The following RAB27B variants were observed in gnomAD, a reference collection of about 807,000 sequenced individuals.
The protein encoded by RAB27B is ras-related protein Rab-27B.
A neutral mutation model predicts 24.6 loss-of-function variants in RAB27B; 15 were observed. The ratio of observed to expected loss-of-function variants is 0.61; its 90% CI spans 0.41 to 0.94. The LOEUF (loss-of-function observed/expected upper bound fraction) is 0.94. Ranked by LOEUF, RAB27B falls within the 40% of genes least tolerant of loss-of-function variation. The pLI is 0.00. For synonymous variants in RAB27B, 105 were observed against 92.5 expected (o/e 1.14, Z -0.78); for missense variants, 261 against 266.8 (o/e 0.98, Z 0.15).
intron 2 of RAB27B, among the ~76,000 whole-genome samples, chr18:54,773,964 C>T (rs1033118871): frequency 1.3e-5 from 2 of 152,222 alleles, no homozygotes; most frequent in African/African-American, 2.4e-5. Context: ...AGGCATGAGA[C>T]ATCGCGCCCG....
chr18:54,827,450 C>A (rs747221461), upstream of RAB27B, among the ~76,000 whole-genome samples: 5 of 152,158 alleles, frequency 3.3e-5, no homozygotes, highest in Non-Finnish European at 7.4e-5. Flanking sequence ...AGACAGATTT[C>A]TATGAGACCA....
chr18:54,886,713 A>G (rs1031247156), intron 4 of RAB27B, among the ~76,000 whole-genome samples: 1 of 152,138 alleles, frequency 6.6e-6, no homozygotes, highest in African/African-American at 2.4e-5. Flanking sequence ...TTCAAGGCAG[A>G]TGAGAGTCTC....
At chr18:54,834,213 G>A (rs1910804412) in intron 1 of RAB27B, among the ~76,000 whole-genome samples, 1 of 152,132 alleles carries the variant, frequency 6.6e-6, no homozygotes, top group Non-Finnish European at 1.5e-5. Context: ...ATCCAGAAAA[G>A]CAGGAAAAAC....
At chr18:54,795,946 T>C (rs1909402484) in intron 2 of RAB27B, among the ~76,000 whole-genome samples, 1 of 152,198 alleles carries the variant, frequency 6.6e-6, no homozygotes, top group Non-Finnish European at 1.5e-5. Flanking sequence ...TACCATTTAA[T>C]AAGTATTGAA....
rs1913389652 is a variant in RAB27B at position 54,892,077 on chromosome 18, TTA to T, written c.*2665_*2666del. ...GGTGCCATAAAGTATACAGACTACT[TTA>T]AAGATTTCCAAATCCCCTAATTTAC... On this transcript the variant is annotated 3_prime_UTR_variant, in exon 6 of 6. Coordinates refer to ENST00000262094, the MANE Select transcript of RAB27B (RefSeq NM_004163.4). 1 of 152,038 alleles carries T rather than the reference TTA, an allele frequency of 6.6e-6. No individual in the cohort carries two copies. The highest frequency in any genetic ancestry group is 1.5e-5 in the Non-Finnish European group (1 of 67,978). 9.4% of individuals were successfully genotyped at this position (152,038 alleles called of 1,614,324 possible). A position where few individuals can be genotyped will look rare whatever the true frequency, so the allele number is the denominator to read the frequency against.
At chr18:54,762,186 A>AGTTTT (rs1164533978) in intron 2 of RAB27B, among the ~76,000 whole-genome samples, 4 of 152,018 alleles carry the variant, frequency 2.6e-5, no homozygotes, top group Middle Eastern at 3.2e-3. Context: ...ATAATTCTGT[A>AGTTTT]GTTTTGTTTT....
At chr18:54,737,280 C>G (rs901961766) in intron 2 of RAB27B, among the ~76,000 whole-genome samples, 3 of 152,132 alleles carry the variant, frequency 2.0e-5, no homozygotes, top group Non-Finnish European at 2.9e-5. Context: ...GGCTTATTGA[C>G]TTTAGGCATC....
intron 2 of RAB27B, among the ~76,000 whole-genome samples, chr18:54,725,348 T>A (rs1475718918): frequency 6.6e-6 from 1 of 151,382 alleles, no homozygotes; most frequent in African/African-American, 2.4e-5. Context: ...CATTTCAGGG[T>A]GAGTTTACTA....
chr18:54,881,491 A>G (rs920218434), intron 3 of RAB27B, among the ~76,000 whole-genome samples: 1 of 152,118 alleles, frequency 6.6e-6, no homozygotes, highest in Non-Finnish European at 1.5e-5. Context: ...AGTCGGCCAT[A>G]TCGGTTCCAG....
chr18:54,877,651 GACA>G lies in RAB27B; in HGVS notation c.70_72del (p.Thr24del). The G allele has an allele frequency of 6.3e-7, 1 of 1,597,060 alleles. No individual in the cohort carries two copies. The highest frequency in any genetic ancestry group is 8.5e-7 in the Non-Finnish European group (1 of 1,174,922). ...CCCTCGGGGATTCAGGGGTGGGGAA[GACA>G]ACATTTCTTTATAGATACACAGATA... On this transcript the variant is annotated inframe_deletion, in exon 2 of 6. Transcript: ENST00000262094.
At chr18:54,733,349 T>C (rs182200803) in intron 2 of RAB27B, among the ~76,000 whole-genome samples, 1 of 152,244 alleles carries the variant, frequency 6.6e-6, no homozygotes, top group East Asian at 1.9e-4. Flanking sequence ...TACCCAGCTG[T>C]AAATGAAGTC....
chr18:54,849,628 G>A (rs1444866525), intron 1 of RAB27B, among the ~76,000 whole-genome samples: 6 of 152,172 alleles, frequency 3.9e-5, no homozygotes, highest in African/African-American at 1.4e-4. Flanking sequence ...GGCTGAGGCA[G>A]GAAAATCTCT....
chr18:54,851,531 A>T (rs1269654740), intron 1 of RAB27B, among the ~76,000 whole-genome samples: 1 of 152,190 alleles, frequency 6.6e-6, no homozygotes, highest in East Asian at 1.9e-4. Flanking sequence ...CATCAGTTAA[A>T]TGAGCAGTAT....
chr18:54,803,441 T>A (rs1463929126), intron 2 of RAB27B, among the ~76,000 whole-genome samples: 1 of 152,082 alleles, frequency 6.6e-6, no homozygotes, highest in Non-Finnish European at 1.5e-5. Flanking sequence ...GAGAACAAAA[T>A]GAGCAGTTTG....
intron 2 of RAB27B, among the ~76,000 whole-genome samples, chr18:54,790,663 A>G (rs1909221140): frequency 6.6e-6 from 1 of 152,166 alleles, no homozygotes; most frequent in Non-Finnish European, 1.5e-5. Flanking sequence ...CACATTCTCA[A>G]TATGCTATTT....
At chr18:54,778,282 C>T (rs1908779570) in intron 2 of RAB27B, among the ~76,000 whole-genome samples, 1 of 151,982 alleles carries the variant, frequency 6.6e-6, no homozygotes, top group South Asian at 2.1e-4. Flanking sequence ...CCCAATTTCT[C>T]TTTCTCCAAA....
chr18:54,815,120 T>G (rs537542322), intron 2 of RAB27B, among the ~76,000 whole-genome samples: 1 of 152,218 alleles, frequency 6.6e-6, no homozygotes, highest in East Asian at 1.9e-4. Context: ...ATAAAAAGAG[T>G]AAGATCATGT....
intron 2 of RAB27B, chr18:54,744,756 A>G (rs923383858): frequency 6.3e-6 from 1 of 157,666 alleles, no homozygotes; most frequent in African/African-American, 2.4e-5. Context: ...CAATGGCCAG[A>G]ACCTGTGATG....
intron 1 of RAB27B, among the ~76,000 whole-genome samples, chr18:54,875,253 G>A (rs1568110349): frequency 6.6e-6 from 1 of 152,148 alleles, no homozygotes; most frequent in Non-Finnish European, 1.5e-5. Flanking sequence ...CTAAACCAGG[G>A]AAGGTCGATG....
Sources: allele counts gnomAD v4.1 joint callset (sites outside exome capture counted in the v4.1 genomes callset), GRCh38; gene constraint gnomAD v4.1.1; transcripts MANE v1.5; gene names NCBI Gene and HGNC (gene_info 2026-07-23, HGNC 2026-07-21).